CCSER1: variants seen among roughly 807,000 people sequenced by gnomAD.
CCSER1 encodes the protein coiled-coil serine rich protein 1.
In CCSER1, 41 loss-of-function variants were observed where a neutral mutation model predicts 82.0. That is an observed-to-expected ratio of 0.50 (90% CI 0.39 to 0.65). The LOEUF (loss-of-function observed/expected upper bound fraction) is 0.65, where lower values mean the gene tolerates loss of function less well. Ranked by LOEUF, CCSER1 falls within the 30% of genes least tolerant of loss-of-function variation. The probability of loss-of-function intolerance (pLI) is 0.00; values close to 1 mark genes in which losing one functional copy is unlikely to be tolerated. For missense variants in CCSER1, 1,119 were observed against 1,064.2 expected (o/e 1.05, Z -0.72); for synonymous variants, 414 against 383.9 (o/e 1.08, Z -0.92).
chr4:91,128,807 ATCAT>A (rs1297474221), intron 10 of CCSER1, among the ~76,000 whole-genome samples: 3 of 152,084 alleles, frequency 2.0e-5, no homozygotes, highest in African/African-American at 7.2e-5. Context: ...AGCAAGGCTG[ATCAT>A]TCAAGATGAC....
intron 10 of CCSER1, among the ~76,000 whole-genome samples, chr4:91,528,578 G>GAT: frequency 6.6e-6 from 1 of 152,258 alleles, no homozygotes; most frequent in East Asian, 1.9e-4. Context: ...ATGGCATACA[G>GAT]ATATATATTT....
intron 10 of CCSER1, among the ~76,000 whole-genome samples, chr4:91,107,004 G>T (rs1309176230): frequency 1.3e-5 from 2 of 151,930 alleles, no homozygotes; most frequent in East Asian, 3.9e-4. Context: ...CCCTATACTG[G>T]TGTATTTTTT....
At chr4:91,542,569 C>T (rs568006719) in intron 10 of CCSER1, among the ~76,000 whole-genome samples, 2 of 152,232 alleles carry the variant, frequency 1.3e-5, no homozygotes, top group East Asian at 3.9e-4. Flanking sequence ...ACCCAGTAGT[C>T]ATTTAAGAGC....
At chr4:91,366,556 ATTAGT>A (rs1426803531) in intron 10 of CCSER1, among the ~76,000 whole-genome samples, 3 of 152,230 alleles carry the variant, frequency 2.0e-5, no homozygotes, top group Admixed American at 2.0e-4. Flanking sequence ...GTCCATTTAA[ATTAGT>A]TTATATGTCT....
intron 9 of CCSER1, among the ~76,000 whole-genome samples, chr4:91,066,331 A>T (rs1369939088): frequency 6.6e-6 from 1 of 152,232 alleles, no homozygotes; most frequent in Non-Finnish European, 1.5e-5. Context: ...AACTGTTGCC[A>T]AATGGTCGCA....
At chr4:90,782,673 TTTTCTTTC>T (rs200397721) in intron 7 of CCSER1, among the ~76,000 whole-genome samples, 1 of 123,884 alleles carries the variant, frequency 8.1e-6, no homozygotes, top group African/African-American at 3.6e-5. Flanking sequence ...GATTTCTTTC[TTTTCTTTC>T]TTTCTTTTTT....
chr4:91,466,078 G>A (rs538982192), intron 10 of CCSER1, among the ~76,000 whole-genome samples: 6 of 152,228 alleles, frequency 3.9e-5, no homozygotes, highest in African/African-American at 1.2e-4. Context: ...CAATATCCCT[G>A]ATGAACATTG....
At chr4:91,580,745 T>G in intron 10 of CCSER1, among the ~76,000 whole-genome samples, 1 of 151,702 alleles carries the variant, frequency 6.6e-6, no homozygotes, top group Non-Finnish European at 1.5e-5. Flanking sequence ...TCTGGTAGAA[T>G]ACAGTGTTGT....
intron 4 of CCSER1, among the ~76,000 whole-genome samples, chr4:90,458,843 T>C (rs1762513109): frequency 6.6e-6 from 1 of 152,222 alleles, no homozygotes; most frequent in Non-Finnish European, 1.5e-5. Context: ...GCTAAAGTTC[T>C]TACACATCGC....
intron 10 of CCSER1, among the ~76,000 whole-genome samples, chr4:91,450,532 G>A (rs1359617443): frequency 2.0e-5 from 3 of 152,052 alleles, no homozygotes; most frequent in Non-Finnish European, 4.4e-5. Context: ...GGAGTGAGGA[G>A]AAACAAACGA....
chr4:90,588,917 A>G (rs10029103), intron 5 of CCSER1, among the ~76,000 whole-genome samples: 9,712 of 152,192 alleles, frequency 0.064, 862 homozygotes, highest in African/African-American at 0.2. Context: ...ACCCAGTCTC[A>G]GGTATGTCTT....
intron 10 of CCSER1, among the ~76,000 whole-genome samples, chr4:91,550,607 G>C (rs767091360): frequency 1.4e-4 from 21 of 152,142 alleles, no homozygotes; most frequent in Admixed American, 6.6e-4. Context: ...ACAGAAGTTC[G>C]TTTTGTAATG....
At chr4:90,867,684 C>T (rs1409813398) in intron 8 of CCSER1, among the ~76,000 whole-genome samples, 1 of 151,880 alleles carries the variant, frequency 6.6e-6, no homozygotes, top group Non-Finnish European at 1.5e-5. Context: ...ACCCTCTTCC[C>T]CCAATACCTC....
intron 9 of CCSER1, among the ~76,000 whole-genome samples, chr4:91,064,832 G>T (rs1210409450): frequency 6.6e-6 from 1 of 151,018 alleles, no homozygotes; most frequent in African/African-American, 2.4e-5. Context: ...GGGACAATAC[G>T]TAGGGGACAG....
intron 1 of CCSER1, among the ~76,000 whole-genome samples, chr4:90,156,774 C>T (rs191146661): frequency 8.8e-5 from 13 of 147,372 alleles, no homozygotes; most frequent in South Asian, 2.3e-4. Context: ...TGTCTCTGCA[C>T]ATGAGATGGG....
At chr4:90,184,557 T>C (rs1400359482) in intron 1 of CCSER1, among the ~76,000 whole-genome samples, 1 of 152,112 alleles carries the variant, frequency 6.6e-6, no homozygotes, top group African/African-American at 2.4e-5. Flanking sequence ...CAGTATTTTA[T>C]TGAAAGGTTT....
intron 6 of CCSER1, among the ~76,000 whole-genome samples, chr4:90,641,473 A>G (rs886470279): frequency 3.3e-5 from 5 of 152,154 alleles, no homozygotes; most frequent in African/African-American, 1.2e-4. Flanking sequence ...CAAAATAATT[A>G]TGTATACATG....
At chr4:90,128,063 C>T (rs1376613494) in intron 1 of CCSER1, among the ~76,000 whole-genome samples, 1 of 152,064 alleles carries the variant, frequency 6.6e-6, no homozygotes, top group Non-Finnish European at 1.5e-5. Context: ...CCCGCGACTC[C>T]CAGTGCGCCG....
At chr4:91,410,753 T>A (rs1752974269) in intron 10 of CCSER1, among the ~76,000 whole-genome samples, 1 of 152,176 alleles carries the variant, frequency 6.6e-6, no homozygotes, top group African/African-American at 2.4e-5. Flanking sequence ...TCCCTTGGTT[T>A]TGATTCAATG....
Sources: gnomAD v4.1 joint callset for allele counts (sites outside exome capture counted in the v4.1 genomes callset) on GRCh38, gnomAD v4.1.1 for gene constraint, MANE v1.5 for transcripts, NCBI Gene and HGNC (gene_info 2026-07-23, HGNC 2026-07-21) for gene names.